The following FKBP5 variants were observed in gnomAD, a reference collection of about 807,000 sequenced individuals.
The protein encoded by FKBP5 is peptidyl-prolyl cis-trans isomerase FKBP5.
In FKBP5, 23 loss-of-function variants were observed where a neutral mutation model predicts 50.5. The observed-to-expected ratio is 0.46, with a 90% CI of 0.33 to 0.65. The LOEUF (loss-of-function observed/expected upper bound fraction) is 0.65, where lower values mean the gene tolerates loss of function less well. Among genes scored for constraint, FKBP5 ranks in the 30% least tolerant of loss-of-function variants. The pLI, the probability that FKBP5 is intolerant of heterozygous loss-of-function variation, is 0.02. For missense variants in FKBP5, 411 were observed against 553.1 expected, an observed-to-expected ratio of 0.74 and a Z score of 2.58; for synonymous variants, 176 against 190.6, an observed-to-expected ratio of 0.92 and a Z score of 0.63.
intron 2 of FKBP5, among the ~76,000 whole-genome samples, chr6:35,639,427 C>T (rs901874246): frequency 1.3e-5 from 2 of 152,026 alleles, no homozygotes; most frequent in African/African-American, 4.8e-5. Context: ...TCTTAATAAG[C>T]CTAAAAATCT....
chr6:35,652,135 T>C, intron 1 of FKBP5, among the ~76,000 whole-genome samples: 1 of 152,220 alleles, frequency 6.6e-6, no homozygotes, highest in Non-Finnish European at 1.5e-5. Flanking sequence ...CCCCAATCAA[T>C]ACCCTTGTGA....
At chr6:35,714,814 C>CA (rs113161701) in intron 2 of FKBP5, among the ~76,000 whole-genome samples, 98,354 of 138,796 alleles carry the variant, frequency 0.71, 33,966 homozygotes, top group African/African-American at 0.74. Flanking sequence ...AACTCTGTCT[C>CA]AAAAAAAAAA....
upstream of FKBP5, among the ~76,000 whole-genome samples, chr6:35,693,601 C>T (rs946004359): frequency 6.6e-6 from 1 of 151,854 alleles, no homozygotes; most frequent in Non-Finnish European, 1.5e-5. Flanking sequence ...CTCACTGCAA[C>T]CTCCGCTTCC....
chr6:35,579,668 T>TA (rs1480555219), intron 9 of FKBP5, among the ~76,000 whole-genome samples: 1 of 152,230 alleles, frequency 6.6e-6, no homozygotes, highest in Non-Finnish European at 1.5e-5. Flanking sequence ...TGCAGTCTGT[T>TA]AAAGTCCAGA....
intron 2 of FKBP5, among the ~76,000 whole-genome samples, chr6:35,717,076 C>A (rs1485112575): frequency 1.3e-5 from 2 of 152,202 alleles, no homozygotes; most frequent in Non-Finnish European, 2.9e-5. Context: ...CCCCGCCATC[C>A]CTATTCCTGC....
At chr6:35,700,548 A>G (rs977642609) in intron 2 of FKBP5, among the ~76,000 whole-genome samples, 5 of 152,172 alleles carry the variant, frequency 3.3e-5, no homozygotes, top group Non-Finnish European at 7.3e-5. Context: ...TAATCCCAAG[A>G]AGCTTTCAAA....
chr6:35,657,220 A>AAAAAAAG (rs928364533), intron 1 of FKBP5, among the ~76,000 whole-genome samples: 3 of 152,178 alleles, frequency 2.0e-5, no homozygotes, highest in Non-Finnish European at 2.9e-5. Flanking sequence ...GTCTCAAGTA[A>AAAAAAAG]AAAAAAGAAA....
intron 3 of FKBP5, among the ~76,000 whole-genome samples, chr6:35,632,982 G>A (rs1201111531): frequency 6.6e-6 from 1 of 151,978 alleles, no homozygotes; most frequent in Non-Finnish European, 1.5e-5. Context: ...AGCAAGTGTA[G>A]GTATAGCTTG....
chr6:35,684,958 C>A (rs1765781490), intron 1 of FKBP5, among the ~76,000 whole-genome samples: 1 of 151,856 alleles, frequency 6.6e-6, no homozygotes, highest in Admixed American at 6.6e-5. Context: ...TCACTTGAGA[C>A]CAGGTGGTTG....
intron 1 of FKBP5, among the ~76,000 whole-genome samples, chr6:35,666,903 T>C (rs990749126): frequency 2.0e-5 from 3 of 151,544 alleles, no homozygotes; most frequent in Non-Finnish European, 4.4e-5. Context: ...AGAAAGAAAA[T>C]GTATATGAAG....
chr6:35,582,580 C>T (rs1269967394), intron 8 of FKBP5: 1 of 840,406 alleles, frequency 1.2e-6, no homozygotes, highest in Non-Finnish European at 1.4e-6. Context: ...ACTGATCCTG[C>T]TAACACCTTG....
chr6:35,575,784 C>T lies in FKBP5; in HGVS notation c.*51G>A. On this transcript the variant is annotated 3_prime_UTR_variant, in exon 11 of 11. Transcript: ENST00000357266. ...GTTCTGTCCTGAGTTGGGGGAAAGC[C>T]CATTGAGGAGGGGCCGAGTTCACTG... 1 of 1,150,996 alleles carries T rather than the reference C, an allele frequency of 8.7e-7. No individual in the cohort carries two copies. The highest frequency in any genetic ancestry group is 2.3e-5 in the East Asian group (1 of 42,782). 71.3% of individuals were successfully genotyped at this position (1,150,996 alleles called of 1,614,324 possible). A position where few individuals can be genotyped will look rare whatever the true frequency, so the allele number is the denominator to read the frequency against.
intron 1 of FKBP5, among the ~76,000 whole-genome samples, chr6:35,726,968 A>G (rs1272134181): frequency 6.6e-6 from 1 of 152,228 alleles, no homozygotes; most frequent in African/African-American, 2.4e-5. Flanking sequence ...GAGACAGGCC[A>G]CACGCTGTGC....
rs566843717 is a variant in FKBP5, at chr6:35,610,522, C to T, written c.508+8574G>A. ...GGCGGAGCTTGCAGTGAGCCAAGACCGCGCCACTGCACTATAGCCTGAGTG... is the reference window on the plus strand; with the variant it reads ...GGCGGAGCTTGCAGTGAGCCAAGACTGCGCCACTGCACTATAGCCTGAGTG... On this transcript the variant is annotated intron_variant, in intron 5 of 10. Transcript: ENST00000357266. Among the ~76,000 whole-genome samples, 8 of 141,532 alleles carry T rather than the reference C, an allele frequency of 5.7e-5. No homozygotes were observed. In the South Asian group the frequency reaches 1.1e-3, roughly 20 times the overall value. 92.9% of individuals were successfully genotyped at this position (141,532 alleles called of 152,430 possible).
rs1766387152 is a variant in FKBP5, at chr6:35,710,032, G to A, written c.-20+10296C>T. Among the ~76,000 whole-genome samples the A allele has an allele frequency of 2.6e-5, 4 of 152,204 alleles. No individual in the cohort carries two copies. In the South Asian group the frequency reaches 8.3e-4, roughly 31 times the overall value. On this transcript the variant is annotated intron_variant, in intron 2 of 11. Coordinates refer to the FKBP5 transcript ENST00000536438. Reference sequence around the variant, plus strand: ...ACATTTGTGCTAAGGCCCAAAAGATGAGAATTCCAGGAAATGATCCTAGCA... The same window carrying A: ...ACATTTGTGCTAAGGCCCAAAAGATAAGAATTCCAGGAAATGATCCTAGCA...
intron 8 of FKBP5, chr6:35,580,966 A>G (rs1762410766): frequency 4.1e-6 from 4 of 985,358 alleles, no homozygotes; most frequent in South Asian, 4.7e-5. Context: ...TGCTAGTTCC[A>G]AACACAGCCA....
At chr6:35,618,477 T>G (rs1040066795) in intron 5 of FKBP5, among the ~76,000 whole-genome samples, 4 of 152,184 alleles carry the variant, frequency 2.6e-5, no homozygotes, top group African/African-American at 7.2e-5. Context: ...GCTCAAGTGA[T>G]TCTTCCACCT....
At chr6:35,702,275 T>C (rs1255917937) in intron 2 of FKBP5, among the ~76,000 whole-genome samples, 1 of 152,068 alleles carries the variant, frequency 6.6e-6, no homozygotes, top group East Asian at 1.9e-4. Flanking sequence ...TCATAATTAC[T>C]GAATGATTAA....
intron 1 of FKBP5, among the ~76,000 whole-genome samples, chr6:35,671,278 AT>A (rs201154713): frequency 3.1e-4 from 47 of 151,394 alleles, no homozygotes; most frequent in Middle Eastern, 3.4e-3. Context: ...AAAAAAAAAA[AT>A]AATAAATAAA....
Sources: allele counts gnomAD v4.1 joint callset (sites outside exome capture counted in the v4.1 genomes callset), GRCh38; gene constraint gnomAD v4.1.1; transcripts MANE v1.5; gene names NCBI Gene and HGNC (gene_info 2026-07-23, HGNC 2026-07-21).